The following TET1 variants were observed in gnomAD, a reference collection of about 807,000 sequenced individuals.
TET1 encodes the protein tet methylcytosine dioxygenase 1, also known as methylcytosine dioxygenase TET1.
TET1 carries 13 observed loss-of-function variants against 148.7 expected under a neutral mutation model. That is an observed-to-expected ratio of 0.09 (90% confidence interval 0.06 to 0.14). The LOEUF (loss-of-function observed/expected upper bound fraction) is 0.14, where lower values mean the gene tolerates loss of function less well. Ranked by LOEUF, TET1 falls within the 10% of genes least tolerant of loss-of-function variation. The pLI is 1.00. For synonymous variants in TET1, 907 were observed against 937.2 expected (o/e 0.97, Z 0.59); for missense variants, 2,182 against 2,553.8 (o/e 0.85, Z 3.14).
intron 1 of TET1, among the ~76,000 whole-genome samples, chr10:68,563,546 A>G (rs1016397016): frequency 2.6e-5 from 4 of 152,186 alleles, no homozygotes; most frequent in African/African-American, 9.7e-5. Flanking sequence ...GAATTGAAAT[A>G]TGACTTTAAT....
chr10:68,568,396 T>C (rs2053630585), intron 1 of TET1, among the ~76,000 whole-genome samples: 1 of 151,956 alleles, frequency 6.6e-6, no homozygotes, highest in Admixed American at 6.6e-5. Flanking sequence ...CTACTTTTTG[T>C]ATTTTTAGTA....
chr10:68,572,153 C>A, intron 1 of TET1, 64 bp from the exon 2 acceptor site: 1 of 563,358 alleles, frequency 1.8e-6, no homozygotes, highest in Non-Finnish European at 3.1e-6. Flanking sequence ...AGTGAATATT[C>A]TATTTCAAAT....
At chr10:68,581,783 T>C (rs2053801068) in intron 2 of TET1, among the ~76,000 whole-genome samples, 1 of 150,898 alleles carries the variant, frequency 6.6e-6, no homozygotes, top group African/African-American at 2.4e-5. Context: ...AGGTGGAGGC[T>C]GTAGTGAGCT....
chr10:68,636,280 G>A (rs557320921), intron 3 of TET1, among the ~76,000 whole-genome samples: 13 of 152,142 alleles, frequency 8.5e-5, no homozygotes, highest in African/African-American at 2.4e-4. Context: ...CAATTTGCAC[G>A]TTAAAAAAAA....
chr10:68,596,025 C>CATATATATATATATATAT (rs1270482577), intron 2 of TET1, among the ~76,000 whole-genome samples: 2 of 56,018 alleles, frequency 3.6e-5, no homozygotes, highest in African/African-American at 1.2e-4. Flanking sequence ...CACACACACA[C>CATATATATATATATATAT]ACATATATAT....
chr10:68,611,914 A>AAAGG (rs1319309614), intron 3 of TET1, among the ~76,000 whole-genome samples: 2 of 150,016 alleles, frequency 1.3e-5, no homozygotes, highest in African/African-American at 4.9e-5. Context: ...AGGAAGGAAG[A>AAAGG]AAGGAAGGGA....
rs149971528 is a variant in TET1 at position 68,628,013 on chromosome 10, G to A, written c.1969-16685G>A. On this transcript the variant is annotated intron_variant, in intron 3 of 11. Coordinates refer to ENST00000373644, the MANE Select transcript of TET1 (RefSeq NM_030625.3). ...ATTATTATTACTATTATTATTTTTG[G>A]GGGGGACAGAGTCTTACTCTGTTGC... is the stretch of plus-strand genomic sequence containing the variant. Among the ~76,000 whole-genome samples, 17 of 152,110 alleles carry A rather than the reference G, an allele frequency of 1.1e-4. No individual in the cohort carries two copies. The East Asian group carries it at 3.3e-3, about 29-fold the overall frequency.
intron 3 of TET1, among the ~76,000 whole-genome samples, chr10:68,618,936 C>T (rs1314962789): frequency 6.6e-6 from 1 of 152,084 alleles, no homozygotes. Context: ...CACGTCACTC[C>T]AGCTTGGGTG....
chr10:68,588,010 G>A (rs374800325), intron 2 of TET1, among the ~76,000 whole-genome samples: 2 of 151,906 alleles, frequency 1.3e-5, no homozygotes, highest in Non-Finnish European at 2.9e-5. Flanking sequence ...GTACAGGTGC[G>A]CACCATTACG....
At chr10:68,630,869 G>A (rs1052359291) in intron 3 of TET1, among the ~76,000 whole-genome samples, 1 of 152,168 alleles carries the variant, frequency 6.6e-6, no homozygotes, top group Non-Finnish European at 1.5e-5. Flanking sequence ...CTAAAGAAGT[G>A]AGTAATACTA....
At chr10:68,591,061 G>A (rs752761729) in intron 2 of TET1, among the ~76,000 whole-genome samples, 4 of 151,828 alleles carry the variant, frequency 2.6e-5, no homozygotes, top group Admixed American at 1.3e-4. Flanking sequence ...CTTCATGTTG[G>A]TCAGGCTGGT....
chr10:68,692,234 A>G lies in TET1; in HGVS notation c.*420A>G, dbSNP rs2055603832. The G allele has an allele frequency of 4.2e-6, 1 of 238,390 alleles. No homozygotes were observed. Among genetic ancestry groups the G allele is most frequent in the African/African-American group, 2.2e-5 (1 of 45,372 alleles). The allele number at this position is 238,390 out of a possible 1,614,324, so 14.8% of individuals were successfully genotyped here. On this transcript the variant is annotated 3_prime_UTR_variant, in exon 12 of 12. Transcript: ENST00000373644. ...GCTTCTGGTGCTTAACCACATCCACACAGTTAAAAATAAGCTGAATTATTA... is the reference window on the plus strand; with the variant it reads ...GCTTCTGGTGCTTAACCACATCCACGCAGTTAAAAATAAGCTGAATTATTA...
At chr10:68,584,909 C>T (rs887974723) in intron 2 of TET1, among the ~76,000 whole-genome samples, 1 of 151,840 alleles carries the variant, frequency 6.6e-6, no homozygotes, top group Non-Finnish European at 1.5e-5. Flanking sequence ...CAACCTCCGT[C>T]TCCCGGGTTC....
At chr10:68,587,566 T>C (rs999105860) in intron 2 of TET1, among the ~76,000 whole-genome samples, 13 of 152,176 alleles carry the variant, frequency 8.5e-5, no homozygotes, top group African/African-American at 3.1e-4. Flanking sequence ...AAAATCAAAA[T>C]AGTGTTCTAT....
chr10:68,623,801 A>T (rs2054409314), intron 3 of TET1, among the ~76,000 whole-genome samples: 1 of 152,200 alleles, frequency 6.6e-6, no homozygotes, highest in South Asian at 2.1e-4. Flanking sequence ...CAATATACTG[A>T]TGCCTAAGTA....
intron 1 of TET1, among the ~76,000 whole-genome samples, chr10:68,561,423 A>C (rs1315461128): frequency 6.6e-6 from 1 of 152,114 alleles, no homozygotes; most frequent in East Asian, 1.9e-4. Context: ...AGAAGGGAAG[A>C]GGGAGTAGAG....
chr10:68,564,328 T>C (rs2053584595), intron 1 of TET1, among the ~76,000 whole-genome samples: 1 of 151,936 alleles, frequency 6.6e-6, no homozygotes, highest in Non-Finnish European at 1.5e-5. Context: ...TTTGTATTTT[T>C]GGTAGAGATG....
chr10:68,622,223 C>CCTTCCTTCCTTCCTTCCT (rs1564973369), intron 3 of TET1, among the ~76,000 whole-genome samples: 3 of 66,588 alleles, frequency 4.5e-5, no homozygotes, highest in African/African-American at 2.2e-4. Context: ...CCTTCCTTCC[C>CCTTCCTTCCTTCCTTCCT]TCCTTCCTCC....
intron 1 of TET1, among the ~76,000 whole-genome samples, chr10:68,568,868 A>AAAAGAT (rs1485764463): frequency 2.2e-4 from 33 of 152,230 alleles, no homozygotes; most frequent in African/African-American, 7.9e-4. Flanking sequence ...AAGAAAAAGA[A>AAAAGAT]AAAGACCTGT....
Sources: allele counts gnomAD v4.1 joint callset (sites outside exome capture counted in the v4.1 genomes callset), GRCh38; gene constraint gnomAD v4.1.1; transcripts MANE v1.5; gene names NCBI Gene and HGNC (gene_info 2026-07-23, HGNC 2026-07-21).